The following LIN7A variants were observed in gnomAD, a reference collection of about 807,000 sequenced individuals.
LIN7A encodes the protein lin-7 cell polarity scaffold A.
In LIN7A, 25 loss-of-function variants were observed where a neutral mutation model predicts 29.8. That is an observed-to-expected ratio of 0.84 (90% confidence interval 0.61 to 1.17). The LOEUF is 1.17. LIN7A is among the 50% of genes most tolerant of loss of function. The pLI, the probability that LIN7A is intolerant of heterozygous loss-of-function variation, is 0.00. For missense variants in LIN7A, 239 were observed against 287.0 expected (o/e 0.83, Z 1.21); for synonymous variants, 118 against 107.5 (o/e 1.10, Z -0.60).
At chr12:80,860,198 T>C (rs1873793570) in intron 2 of LIN7A, among the ~76,000 whole-genome samples, 1 of 152,198 alleles carries the variant, frequency 6.6e-6, no homozygotes. Context: ...GATATTGGTA[T>C]ATTACCCCTT....
In LIN7A at chr12:80,864,986, C is replaced by T. The variant is rs113063472; in HGVS notation, c.202-16664G>A. 8.2e-3 allele frequency among the ~76,000 whole-genome samples: 1,254 copies of T among 152,268 alleles called. 20 individuals are homozygous for T. The highest frequency in any genetic ancestry group is 0.028 in the African/African-American group (1,167 of 41,540). The stretch of plus-strand genomic sequence containing the variant: ...GTACTTACCCTCAATCTGGTAAATG[C>T]TATCAATTCATGTAAATGCAAAGAA... On this transcript the variant is annotated intron_variant, in intron 2 of 5. Coordinates refer to ENST00000552864, the MANE Select transcript of LIN7A (RefSeq NM_004664.4).
chr12:80,859,920 GTTTTC>G (rs1342977908), intron 2 of LIN7A, among the ~76,000 whole-genome samples: 1 of 151,800 alleles, frequency 6.6e-6, no homozygotes, highest in Admixed American at 6.6e-5. Context: ...CTAATATTTT[GTTTTC>G]TTTATTTTTT....
chr12:80,845,105 C>G (rs568144275), intron 4 of LIN7A, among the ~76,000 whole-genome samples: 2 of 151,896 alleles, frequency 1.3e-5, no homozygotes, highest in East Asian at 3.9e-4. Flanking sequence ...GGCTTGGTGG[C>G]GGGCGCCTGT....
intron 2 of LIN7A, among the ~76,000 whole-genome samples, chr12:80,860,433 C>T (rs1409466758): frequency 1.3e-5 from 2 of 152,224 alleles, no homozygotes; most frequent in Non-Finnish European, 2.9e-5. Flanking sequence ...TGGCCTTTTC[C>T]TTTAGCAGAA....
chr12:80,812,334 A>G (rs2121513562), intron 4 of LIN7A, among the ~76,000 whole-genome samples: 1 of 152,240 alleles, frequency 6.6e-6, no homozygotes, highest in South Asian at 2.1e-4. Flanking sequence ...AAAATAAAAG[A>G]AAGGTGAACA....
chr12:80,903,657 C>T (rs908411908), intron 1 of LIN7A, among the ~76,000 whole-genome samples: 3 of 151,452 alleles, frequency 2.0e-5, no homozygotes, highest in African/African-American at 7.3e-5. Flanking sequence ...TTGCAGGTAT[C>T]TTTTTGTTAT....
chr12:80,868,589 AAAC>A (rs900767830), intron 2 of LIN7A, among the ~76,000 whole-genome samples: 4 of 152,116 alleles, frequency 2.6e-5, no homozygotes, highest in African/African-American at 7.2e-5. Context: ...TCAAACAAAC[AAAC>A]AACAACAACA....
chr12:80,878,124 T>A (rs1233858453), intron 2 of LIN7A, among the ~76,000 whole-genome samples: 6 of 152,200 alleles, frequency 3.9e-5, no homozygotes, highest in African/African-American at 1.4e-4. Flanking sequence ...ATAATGACAC[T>A]AACAGCCTTC....
At chr12:80,891,390 G>A (rs766559758) in intron 1 of LIN7A, among the ~76,000 whole-genome samples, 10 of 152,070 alleles carry the variant, frequency 6.6e-5, no homozygotes, top group East Asian at 3.9e-4. Flanking sequence ...ACTTCTTCTC[G>A]CTCATCTCAG....
At chr12:80,807,063 G>GTTTTTTTTT (rs71094991) in intron 5 of LIN7A, among the ~76,000 whole-genome samples, 8 of 53,578 alleles carry the variant, frequency 1.5e-4, no homozygotes, top group East Asian at 5.3e-4. Context: ...TGAAGATGGA[G>GTTTTTTTTT]TTTTTTTTTT....
chr12:80,845,790 C>T lies in LIN7A; in HGVS notation c.423G>A (p.Gly141=). The change falls in exon 4 of 6, where the codon GGG becomes GGA. Residue 141 remains glycine (G), a synonymous_variant. Transcript: ENST00000552864. ...TGAGGCCTCCGTGTCTTTCAGCCAC[C>T]CCTCCAGGAATTATGCGAGAGATAT... ...PIYISRIIPG[G]VAERHGGLKR... The T allele has an allele frequency of 6.2e-7, 1 of 1,613,856 alleles. No homozygotes were observed. Among genetic ancestry groups the T allele is most frequent in the East Asian group, 2.2e-5 (1 of 44,862 alleles).
At chr12:80,901,156 A>T (rs1428813431) in intron 1 of LIN7A, among the ~76,000 whole-genome samples, 1 of 152,168 alleles carries the variant, frequency 6.6e-6, no homozygotes, top group East Asian at 1.9e-4. Flanking sequence ...TAGGAATAAA[A>T]TAAAACCACT....
intron 2 of LIN7A, among the ~76,000 whole-genome samples, chr12:80,878,111 C>G (rs775889339): frequency 6.6e-6 from 1 of 152,042 alleles, no homozygotes. Flanking sequence ...GAGCATTTAC[C>G]CAATAATGAC....
At chr12:80,827,483 A>C (rs1021641102) in intron 4 of LIN7A, among the ~76,000 whole-genome samples, 1 of 152,194 alleles carries the variant, frequency 6.6e-6, no homozygotes, top group Non-Finnish European at 1.5e-5. Context: ...AACCTGGCTC[A>C]CAGAATGTAC....
At chr12:80,897,593 C>T (rs1875975018) in intron 1 of LIN7A, among the ~76,000 whole-genome samples, 1 of 151,864 alleles carries the variant, frequency 6.6e-6, no homozygotes, top group Non-Finnish European at 1.5e-5. Flanking sequence ...ATCACTTGAG[C>T]CCAGGAGTTT....
chr12:80,819,915 T>C lies in LIN7A; in HGVS notation c.484-8232A>G, dbSNP rs185490346. ...ACAGCAACAAAATATGATTTTGCCT[T>C]TGGTGTAAGTAGAAGTTTTCTTTAT... On this transcript the variant is annotated intron_variant, in intron 4 of 5. Transcript: ENST00000552864. 1.5e-3 allele frequency among the ~76,000 whole-genome samples: 225 copies of C among 152,278 alleles called. 2 individuals carry two copies. Among genetic ancestry groups the C allele is most frequent in the Admixed American group, 0.012 (176 of 15,292 alleles).
intron 5 of LIN7A, among the ~76,000 whole-genome samples, chr12:80,810,865 A>G (rs554685764): frequency 6.6e-6 from 1 of 152,284 alleles, no homozygotes; most frequent in African/African-American, 2.4e-5. Flanking sequence ...TTTTTCATAT[A>G]GCTGTTGGCC....
At chr12:80,919,287 T>C (rs537156258) in intron 1 of LIN7A, among the ~76,000 whole-genome samples, 24 of 152,256 alleles carry the variant, frequency 1.6e-4, no homozygotes, top group African/African-American at 5.3e-4. Flanking sequence ...TGAGTTAACG[T>C]TGCAAAACAG....
At chr12:80,893,567 T>C (rs988220259) in intron 1 of LIN7A, among the ~76,000 whole-genome samples, 3 of 152,176 alleles carry the variant, frequency 2.0e-5, no homozygotes, top group Admixed American at 6.5e-5. Context: ...TAAAAGATCA[T>C]TGGGAGATAA....
Sources: gnomAD v4.1 joint callset for allele counts (sites outside exome capture counted in the v4.1 genomes callset) on GRCh38, gnomAD v4.1.1 for gene constraint, MANE v1.5 for transcripts, NCBI Gene and HGNC (gene_info 2026-07-23, HGNC 2026-07-21) for gene names.